The following SEMA5B variants were observed in gnomAD, a reference collection of about 807,000 sequenced individuals.
The protein encoded by SEMA5B is semaphorin 5B, also known as semaphorin-5B.
In SEMA5B, 66 loss-of-function variants were observed where a neutral mutation model predicts 135.0. The ratio of observed to expected loss-of-function variants is 0.49; its 90% confidence interval spans 0.40 to 0.60. SEMA5B has a LOEUF of 0.60. SEMA5B is among the 20% of genes least tolerant of loss of function. SEMA5B has a pLI of 0.00. For missense variants in SEMA5B, 1,501 were observed against 1,566.3 expected, an observed-to-expected ratio of 0.96 and a Z score of 0.70; for synonymous variants, 690 against 639.5, an observed-to-expected ratio of 1.08 and a Z score of -1.19.
At chr3:122,945,025 G>C (rs866460600) in intron 3 of SEMA5B, among the ~76,000 whole-genome samples, 2 of 152,136 alleles carry the variant, frequency 1.3e-5, no homozygotes, top group East Asian at 1.9e-4. Flanking sequence ...GAGAGAGTCT[G>C]TGTGTGTGTA....
intron 17 of SEMA5B, 69 bp from the exon 18 acceptor site, chr3:122,913,130 G>A (rs974390882): frequency 3.5e-6 from 5 of 1,424,560 alleles, no homozygotes; most frequent in Non-Finnish European, 3.7e-6. Context: ...CCTCCCCGGG[G>A]CTCCCGCCCC....
chr3:123,008,507 T>C (rs1476982660), intron 1 of SEMA5B, among the ~76,000 whole-genome samples: 1 of 151,310 alleles, frequency 6.6e-6, no homozygotes, highest in Non-Finnish European at 1.5e-5. Context: ...CCCTGATGGG[T>C]GGGTGGGATC....
At chr3:122,940,864 A>G (rs1178312273) in intron 4 of SEMA5B, among the ~76,000 whole-genome samples, 1 of 152,228 alleles carries the variant, frequency 6.6e-6, no homozygotes, top group African/African-American at 2.4e-5. Context: ...GGGAACAGAT[A>G]AGCTCCAGCT....
At chr3:123,012,845 C>T (rs1488680756) in intron 1 of SEMA5B, among the ~76,000 whole-genome samples, 1 of 152,186 alleles carries the variant, frequency 6.6e-6, no homozygotes, top group Non-Finnish European at 1.5e-5. Flanking sequence ...CAGCTGTAGT[C>T]TAACTGATGA....
At position 122,969,622 on chromosome 3, in the gene SEMA5B, C is replaced by A. The variant is rs113949910; in HGVS notation, c.-38-8321G>T. 1.7e-3 allele frequency among the ~76,000 whole-genome samples: 261 copies of A among 152,338 alleles called. 2 individuals carry two copies. The highest frequency in any genetic ancestry group is 3.0e-3 in the African/African-American group (124 of 41,576). On this transcript the variant is annotated intron_variant, in intron 1 of 22. Coordinates refer to ENST00000357599, the MANE Select transcript of SEMA5B (RefSeq NM_001031702.4). Reference sequence around the variant, plus strand: ...CTGCTCCACCTCATGGACATCACAGCCCCTAGGTCACTCCAGCCTTCCTGG... The same window carrying A: ...CTGCTCCACCTCATGGACATCACAGACCCTAGGTCACTCCAGCCTTCCTGG...
At chr3:123,017,359 A>T (rs1459126392) in intron 1 of SEMA5B, among the ~76,000 whole-genome samples, 1 of 152,088 alleles carries the variant, frequency 6.6e-6, no homozygotes, top group African/African-American at 2.4e-5. Context: ...AAAAGAAAAG[A>T]ATGCTCAGAA....
rs59106085 is a variant in SEMA5B, at chr3:123,016,890, ATTT to A, written c.-39+10571_-39+10573del. Among the ~76,000 whole-genome samples the A allele has an allele frequency of 9.7e-3, 1,058 of 108,708 alleles. 19 individuals carry two copies. The highest frequency in any genetic ancestry group is 0.037 in the South Asian group (131 of 3,498). 71.3% of individuals were successfully genotyped at this position (108,708 alleles called of 152,430 possible). On this transcript the variant is annotated intron_variant, in intron 1 of 22. Coordinates refer to ENST00000357599, the MANE Select transcript of SEMA5B (RefSeq NM_001031702.4). ...AGCCACTGTGCCTGGCCTCAGGTGC[ATTT>A]TTTTTTTTTTTTTTTTTTGAGACGC...
At position 122,912,909 on chromosome 3, in the gene SEMA5B, T is replaced by G; in HGVS notation, c.2659A>C (p.Asn887His). Residue 887 changes from asparagine to histidine, a missense_variant, in exon 18 of 23, where the codon AAC (asparagine) becomes CAC (histidine). Around this residue, in one of 2 missense-constraint regions of SEMA5B, gnomAD observed 927 missense variants for 881.6 expected, o/e 1.05. Coordinates refer to ENST00000357599, the MANE Select transcript of SEMA5B (RefSeq NM_001031702.4). ...TCGCCCACGCAGGGCAGGCCCCCGT[T>G]GCGGGGCTCCGGGTTAGTGCACGTT... is the stretch of plus-strand genomic sequence containing the variant. ...KRTCTNPEPR[N>H]GGLPCVGDAA... The G allele has an allele frequency of 1.2e-6, 2 of 1,611,650 alleles. No individual in the cohort carries two copies. Among genetic ancestry groups the G allele is most frequent in the South Asian group, 2.2e-5 (2 of 90,858 alleles).
chr3:123,028,228 C>A (rs1164966467), upstream of SEMA5B, among the ~76,000 whole-genome samples: 4 of 152,222 alleles, frequency 2.6e-5, no homozygotes, highest in African/African-American at 9.7e-5. Flanking sequence ...CAGTTCGGAA[C>A]GATCTTCCTG....
Position 123,004,392 on chromosome 3 carries a change from T to G in SEMA5B, c.-39+23072A>C, listed in dbSNP as rs138266047. On this transcript the variant is annotated intron_variant, in intron 1 of 22. Coordinates refer to ENST00000357599, the MANE Select transcript of SEMA5B (RefSeq NM_001031702.4). ...AGGGGGCCATTTGGCGTAAGCAAAT[T>G]GTCCCATACACCCCACTGAATCAGA... Among the ~76,000 whole-genome samples the G allele has an allele frequency of 1.9e-3, 292 of 152,276 alleles. 1 individual carries two copies. Among genetic ancestry groups the G allele is most frequent in the African/African-American group, 6.7e-3 (279 of 41,550 alleles).
In SEMA5B at chr3:122,913,689, C is replaced by T. The variant is rs985759757; in HGVS notation, c.2133-8G>A. On this transcript the variant is annotated splice_region_variant and splice_polypyrimidine_tract_variant and intron_variant, in intron 15 of 22. Transcript: ENST00000357599. ...GTGTTCTCATTACAGAACCTGGGGT[C>T]GGGGGAGAGGCGTCAATCCAGGGAG... is the stretch of plus-strand genomic sequence containing the variant. 6 of 1,612,748 alleles carry T rather than the reference C, an allele frequency of 3.7e-6. No homozygotes were observed. Among genetic ancestry groups the T allele is most frequent in the Middle Eastern group, 1.7e-4 (1 of 6,050 alleles).
intron 1 of SEMA5B, among the ~76,000 whole-genome samples, chr3:122,990,521 G>T (rs1490624116): frequency 6.6e-6 from 1 of 151,486 alleles, no homozygotes; most frequent in African/African-American, 2.4e-5. Context: ...GGAGACAAGG[G>T]CACTCATGAG....
intron 1 of SEMA5B, among the ~76,000 whole-genome samples, chr3:122,990,773 C>T (rs1232130719): frequency 2.0e-5 from 3 of 152,196 alleles, no homozygotes; most frequent in Non-Finnish European, 4.4e-5. Context: ...CCCTTGCTTA[C>T]TCTTCCTCAG....
chr3:122,920,491 G>A (rs1026571062), intron 12 of SEMA5B, among the ~76,000 whole-genome samples: 1 of 152,172 alleles, frequency 6.6e-6, no homozygotes, highest in South Asian at 2.1e-4. Context: ...GAGGCTGGAG[G>A]GCTCCTAAAT....
chr3:122,996,787 C>T (rs1190043783), intron 1 of SEMA5B, among the ~76,000 whole-genome samples: 1 of 152,216 alleles, frequency 6.6e-6, no homozygotes, highest in East Asian at 1.9e-4. Flanking sequence ...TGCCCTGGGC[C>T]TCTGGGAAGG....
chr3:122,985,011 C>T (rs1034600249), intron 1 of SEMA5B, among the ~76,000 whole-genome samples: 1 of 151,984 alleles, frequency 6.6e-6, no homozygotes, highest in African/African-American at 2.4e-5. Context: ...TTTTATGTTC[C>T]CCAACCATTC....
intron 1 of SEMA5B, among the ~76,000 whole-genome samples, chr3:122,963,093 G>A (rs1471098947): frequency 6.6e-6 from 1 of 152,184 alleles, no homozygotes; most frequent in Non-Finnish European, 1.5e-5. Context: ...TACTCAACGA[G>A]ATGAGCAGAC....
At chr3:122,940,718 G>A (rs371534822) in intron 4 of SEMA5B, among the ~76,000 whole-genome samples, 2 of 152,194 alleles carry the variant, frequency 1.3e-5, no homozygotes, top group African/African-American at 4.8e-5. Flanking sequence ...TCCAGGCCCA[G>A]GCCCCACTCA....
intron 2 of SEMA5B, among the ~76,000 whole-genome samples, chr3:122,952,791 G>A (rs1005347397): frequency 6.6e-6 from 1 of 152,150 alleles, no homozygotes; most frequent in Non-Finnish European, 1.5e-5. Flanking sequence ...GCCCTGCTTG[G>A]GTTTGGCCAA....
Sources: allele counts gnomAD v4.1 joint callset (sites outside exome capture counted in the v4.1 genomes callset), GRCh38; gene constraint gnomAD v4.1.1; regional missense constraint gnomAD v4.1.1; transcripts MANE v1.5; gene names NCBI Gene and HGNC (gene_info 2026-07-23, HGNC 2026-07-21).